Variants in ABCE1 observed in about 807,000 individuals in gnomAD.
The protein encoded by ABCE1 is ATP binding cassette subfamily E member 1, also known as ATP-binding cassette sub-family E member 1.
Under a neutral mutation model 83.4 loss-of-function variants are expected in ABCE1, and 22 were observed. The observed-to-expected ratio is 0.26, with a 90% CI of 0.19 to 0.38. The LOEUF is 0.38. ABCE1 is among the 10% of genes least tolerant of loss of function. ABCE1 has a pLI of 1.00. For synonymous variants in ABCE1, 204 were observed against 233.7 expected, an observed-to-expected ratio of 0.87 and a Z score of 1.16; for missense variants, 330 against 721.9, an observed-to-expected ratio of 0.46 and a Z score of 6.22.
In ABCE1 at chr4:145,105,527, C is replaced by T. The variant is rs777837768; in HGVS notation, c.104-78C>T. 3.8e-5 allele frequency: 36 copies of T among 944,514 alleles called. No homozygotes were observed. The East Asian group carries it at 5.8e-4, about 15-fold the overall frequency. 58.5% of individuals were successfully genotyped at this position (944,514 alleles called of 1,614,324 possible). On this transcript the variant is annotated intron_variant, in intron 2 of 17. Coordinates refer to ENST00000296577, the MANE Select transcript of ABCE1 (RefSeq NM_002940.3). The stretch of plus-strand genomic sequence containing the variant: ...CTGCTTCTGTATGGAAATTTAGAAC[C>T]AGCATTGCCTAAATAACAGTGTTCG...
chr4:145,116,992 A>T (rs1400616206), intron 9 of ABCE1, among the ~76,000 whole-genome samples: 1 of 151,960 alleles, frequency 6.6e-6, no homozygotes, highest in Non-Finnish European at 1.5e-5. Flanking sequence ...TTTAGGCTAC[A>T]TCTGAATTAA....
At chr4:145,100,662 G>A (rs1490271222) in intron 1 of ABCE1, among the ~76,000 whole-genome samples, 1 of 152,044 alleles carries the variant, frequency 6.6e-6, no homozygotes, top group Admixed American at 6.6e-5. Context: ...TACAAGACCT[G>A]GACCAGTTTT....
Position 145,099,123 on chromosome 4 carries a change from A to G in ABCE1, c.-28+704A>G, listed in dbSNP as rs1255004736. Among the ~76,000 whole-genome samples, 3 of 152,192 alleles carry G rather than the reference A, an allele frequency of 2.0e-5. No homozygotes were observed. The East Asian group carries it at 5.8e-4, about 29-fold the overall frequency. On this transcript the variant is annotated intron_variant, in intron 1 of 17. Transcript: ENST00000296577. Reference sequence around the variant, plus strand: ...TTGTATCTAATACTCATTGAGATCAAGGTTGATGTCTTTACTCAGAATACC... The same window carrying G: ...TTGTATCTAATACTCATTGAGATCAGGGTTGATGTCTTTACTCAGAATACC...
chr4:145,110,085 T>C lies in ABCE1; in HGVS notation c.406-18T>C, dbSNP rs1383219708. On this transcript the variant is annotated intron_variant, in intron 5 of 17. Coordinates refer to ENST00000296577, the MANE Select transcript of ABCE1 (RefSeq NM_002940.3). ...ATTATTAAATTCACATGATTCTGTA[T>C]TTTTTTTTTTTTTTTAGGATCCTCC... The C allele has an allele frequency of 1.2e-5, 2 of 171,732 alleles. No homozygotes were observed. Among genetic ancestry groups the C allele is most frequent in the Non-Finnish European group, 2.2e-5 (2 of 90,734 alleles). 10.6% of individuals were successfully genotyped at this position (171,732 alleles called of 1,614,324 possible).
intron 9 of ABCE1, among the ~76,000 whole-genome samples, chr4:145,113,310 G>T (rs1644413549): frequency 1.3e-5 from 2 of 152,304 alleles, no homozygotes; most frequent in Middle Eastern, 6.8e-3. Flanking sequence ...ATCATTCACT[G>T]AGCTCCCTGG....
chr4:145,103,372 G>A (rs984974299), intron 1 of ABCE1, among the ~76,000 whole-genome samples: 1 of 152,156 alleles, frequency 6.6e-6, no homozygotes, highest in Admixed American at 6.5e-5. Context: ...GAGTATTAAG[G>A]CACCTTTTGG....
chr4:145,122,579 AG>A (rs2126713970), intron 13 of ABCE1: 1 of 153,014 alleles, frequency 6.5e-6, no homozygotes, highest in South Asian at 2.1e-4. Flanking sequence ...GCACTTTGGG[AG>A]GCTGAGGCAG....
chr4:145,106,218 A>T (rs1307689955), intron 3 of ABCE1, among the ~76,000 whole-genome samples: 1 of 151,998 alleles, frequency 6.6e-6, no homozygotes, highest in Non-Finnish European at 1.5e-5. Context: ...TTCATAAAAG[A>T]AATTTAGGAG....
chr4:145,127,055 A>G (rs986496533), intron 17 of ABCE1, among the ~76,000 whole-genome samples: 3 of 152,112 alleles, frequency 2.0e-5, no homozygotes, highest in African/African-American at 7.2e-5. Flanking sequence ...AGATTGTCAT[A>G]CCTTAATCCT....
At chr4:145,121,535 C>A in intron 13 of ABCE1, 144 bp downstream of exon 13, 1 of 635,470 alleles carries the variant, frequency 1.6e-6, no homozygotes, top group East Asian at 2.8e-5. Context: ...ATTAAGAGTC[C>A]AATCCTTGAT....
At chr4:145,111,424 C>A (rs183228606) in intron 8 of ABCE1, among the ~76,000 whole-genome samples, 1 of 152,098 alleles carries the variant, frequency 6.6e-6, no homozygotes, top group East Asian at 1.9e-4. Flanking sequence ...CCCGGGTTCA[C>A]GCCATTCTCC....
intron 9 of ABCE1, among the ~76,000 whole-genome samples, chr4:145,114,832 A>AGTGT (rs1239388308): frequency 6.6e-6 from 1 of 152,030 alleles, no homozygotes; most frequent in African/African-American, 2.4e-5. Context: ...TCTTATTTAC[A>AGTGT]GGTATAAAGT....
At position 145,110,245 on chromosome 4, in the gene ABCE1, GT is replaced by G; in HGVS notation, c.543+10del. Reference sequence around the variant, plus strand: ...CAGATTCCTAAGGCTGCAAAGGTCGGTTTTTGATAGAGGGAACTTAACGGAT... The same window carrying G: ...CAGATTCCTAAGGCTGCAAAGGTCGGTTTTGATAGAGGGAACTTAACGGAT... On this transcript the variant is annotated splice_donor_region_variant and intron_variant, in intron 6 of 17. Transcript: ENST00000296577. 4 of 1,598,500 alleles carry G rather than the reference GT, an allele frequency of 2.5e-6. No homozygotes were observed. Among genetic ancestry groups the G allele is most frequent in the Non-Finnish European group, 3.4e-6 (4 of 1,175,918 alleles).
chr4:145,100,753 T>C (rs1259896570), intron 1 of ABCE1, among the ~76,000 whole-genome samples: 1 of 152,258 alleles, frequency 6.6e-6, no homozygotes, highest in Non-Finnish European at 1.5e-5. Flanking sequence ...GAATGATTTT[T>C]TTTTTCAGTA....
chr4:145,121,070 A>T, intron 11 of ABCE1, 104 bp from the exon 12 acceptor site: 1 of 1,065,190 alleles, frequency 9.4e-7, no homozygotes, highest in Non-Finnish European at 1.4e-6. Context: ...ATGTCAGTGT[A>T]TATCTTTAAA....
intron 11 of ABCE1, among the ~76,000 whole-genome samples, chr4:145,120,678 A>G (rs1302881015): frequency 6.6e-6 from 1 of 152,066 alleles, no homozygotes. Flanking sequence ...TTTAAGAACT[A>G]TTTGAATTGT....
Position 145,100,228 on chromosome 4 carries a change from C to T in ABCE1, c.-28+1809C>T, listed in dbSNP as rs149252673. Among the ~76,000 whole-genome samples, 227 of 152,210 alleles carry T rather than the reference C, an allele frequency of 1.5e-3. 1 individual carries two copies. Among genetic ancestry groups the T allele is most frequent in the African/African-American group, 5.1e-3 (213 of 41,518 alleles). On this transcript the variant is annotated intron_variant, in intron 1 of 17. Transcript: ENST00000296577. ...AATCAAGCCAGGGTAGTGACATGCA[C>T]CTATAGTCCCAGCTATTCGGGAGGC...
intron 9 of ABCE1, among the ~76,000 whole-genome samples, chr4:145,115,005 A>G (rs976809558): frequency 6.6e-6 from 1 of 152,008 alleles, no homozygotes; most frequent in Non-Finnish European, 1.5e-5. Flanking sequence ...CATTGGACAA[A>G]AGAATAGAGA....
chr4:145,128,185 T>A lies in ABCE1; in HGVS notation c.*612T>A, dbSNP rs1205885519. 1 of 152,746 alleles carries A rather than the reference T, an allele frequency of 6.5e-6. No individual in the cohort carries two copies. Among genetic ancestry groups the A allele is most frequent in the East Asian group, 1.9e-4 (1 of 5,194 alleles). The allele number at this position is 152,746 out of a possible 1,614,324, so 9.5% of individuals were successfully genotyped here. A position where few individuals can be genotyped will look rare whatever the true frequency, so the allele number is the denominator to read the frequency against. On this transcript the variant is annotated 3_prime_UTR_variant, in exon 18 of 18. Coordinates refer to ENST00000296577, the MANE Select transcript of ABCE1 (RefSeq NM_002940.3). ...ATCTTTTTTGGTGCTTTTAAACATG[T>A]TTAGCAAAAACCAATTCAGTTCCAT...
Sources: allele counts gnomAD v4.1 joint callset (sites outside exome capture counted in the v4.1 genomes callset), GRCh38; gene constraint gnomAD v4.1.1; transcripts MANE v1.5; gene names NCBI Gene and HGNC (gene_info 2026-07-23, HGNC 2026-07-21).